The following CLSTN3 variants were observed in gnomAD, a reference collection of about 807,000 sequenced individuals.
CLSTN3 encodes calsyntenin 3, also known as calsyntenin-3.
CLSTN3 carries 36 observed loss-of-function variants against 95.9 expected under a neutral mutation model. The ratio of observed to expected loss-of-function variants is 0.38; its 90% CI spans 0.29 to 0.50. The LOEUF (loss-of-function observed/expected upper bound fraction) is 0.50, where lower values mean the gene tolerates loss of function less well. Ranked by LOEUF, CLSTN3 falls within the 20% of genes least tolerant of loss-of-function variation. CLSTN3 has a pLI of 0.95. For synonymous variants in CLSTN3, 481 were observed against 504.0 expected (o/e 0.95, Z 0.61); for missense variants, 1,084 against 1,268.8 (o/e 0.85, Z 2.21).
chr12:7,149,379 C>T lies in CLSTN3; in HGVS notation c.2075-144C>T. On this transcript the variant is annotated intron_variant, in intron 13 of 17. Transcript: ENST00000266546. This position sits in a 1 kb window ranked among gnomAD's most constrained non-coding sequence, Gnocchi z 4.5. ...ACACGTGGGTGGAAATGAATTGTTGCATAATGATATTCTTGAAAATGATGC... is the reference window on the plus strand; with the variant it reads ...ACACGTGGGTGGAAATGAATTGTTGTATAATGATATTCTTGAAAATGATGC... 1 of 906,086 alleles carries T rather than the reference C, an allele frequency of 1.1e-6. No individual in the cohort carries two copies. The highest frequency in any genetic ancestry group is 1.7e-6 in the Non-Finnish European group (1 of 590,600). The allele number at this position is 906,086 out of a possible 1,614,324, so 56.1% of individuals were successfully genotyped here.
chr12:7,129,889 C>A, upstream of CLSTN3: 3 of 836,174 alleles, frequency 3.6e-6, no homozygotes, highest in Non-Finnish European at 4.3e-6. This position sits in a 1 kb window ranked among gnomAD's most constrained non-coding sequence, Gnocchi z 5.5. Flanking sequence ...CTCGATACCG[C>A]CCTGCGGACC....
Position 7,158,100 on chromosome 12 carries a change from C to A in CLSTN3, c.*19C>A. On this transcript the variant is annotated 3_prime_UTR_variant, in exon 18 of 18. Transcript: ENST00000266546. ...CTACTAAGGCCTACACCTCTCCCCA[C>A]GCAGAGGGGGAATTCTGCCCTGGTG... The A allele has an allele frequency of 6.7e-7, 1 of 1,485,196 alleles. No homozygotes were observed. The highest frequency in any genetic ancestry group is 9.0e-7 in the Non-Finnish European group (1 of 1,108,962). The allele number at this position is 1,485,196 out of a possible 1,614,324, so 92.0% of individuals were successfully genotyped here.
rs769015353 is a variant in CLSTN3, at chr12:7,137,152, C to T, written c.1210+42C>T. 5 of 1,532,276 alleles carry T rather than the reference C, an allele frequency of 3.3e-6. No homozygotes were observed. The highest frequency in any genetic ancestry group is 3.5e-6 in the Non-Finnish European group (4 of 1,137,682). The allele number at this position is 1,532,276 out of a possible 1,614,324, so 94.9% of individuals were successfully genotyped here. A position where few individuals can be genotyped will look rare whatever the true frequency, so the allele number is the denominator to read the frequency against. On this transcript the variant is annotated intron_variant, in intron 7 of 17. Coordinates refer to ENST00000266546, the MANE Select transcript of CLSTN3 (RefSeq NM_014718.4). This position sits in a 1 kb window ranked among gnomAD's most constrained non-coding sequence, Gnocchi z 4.4. Reference sequence around the variant, plus strand: ...GGCACTAGCCAGAGGGGGAAACTGGCTTCTTGTCCCGCCTCTGTCACTGCC... The same window carrying T: ...GGCACTAGCCAGAGGGGGAAACTGGTTTCTTGTCCCGCCTCTGTCACTGCC...
rs1334697632 is a variant in CLSTN3 at position 7,143,285 on chromosome 12, G to A, written c.1821G>A (p.Arg607=). The A allele has an allele frequency of 6.2e-7, 1 of 1,610,804 alleles. No individual in the cohort carries two copies. The highest frequency in any genetic ancestry group is 1.1e-5 in the South Asian group (1 of 91,074). Residue 607 remains arginine (R), a synonymous_variant, in exon 12 of 18, where the codon AGG becomes AGA. Coordinates refer to ENST00000266546, the MANE Select transcript of CLSTN3 (RefSeq NM_014718.4). The stretch of plus-strand genomic sequence containing the variant: ...TGCGCTTTGCCACGCCCGGCGTCAG[G>A]CCCCTGCGCCTCACCACTGCTGTCA... ...NTLRFATPGV[R]PLRLTTAVKC...
chr12:7,156,721 C>T (rs575778979), intron 16 of CLSTN3: 146 of 456,698 alleles, frequency 3.2e-4, no homozygotes, highest in Non-Finnish European at 5.1e-4. Flanking sequence ...TGAGAGTGAA[C>T]GCACCGTTCT....
chr12:7,156,843 A>G, intron 16 of CLSTN3: 1 of 455,510 alleles, frequency 2.2e-6, no homozygotes, highest in Non-Finnish European at 4.4e-6. Context: ...CCTCAGGGGG[A>G]GATGTTGGGG....
intron 3 of CLSTN3, among the ~76,000 whole-genome samples, chr12:7,134,617 C>T (rs759127519): frequency 2.2e-4 from 34 of 152,360 alleles, no homozygotes; most frequent in Middle Eastern, 3.4e-3. Flanking sequence ...GCACTGCCCA[C>T]ACGTACTGTG....
chr12:7,135,724 G>C, intron 4 of CLSTN3, 80 bp from the exon 5 acceptor site: 1 of 1,508,300 alleles, frequency 6.6e-7, no homozygotes, highest in Non-Finnish European at 9.0e-7. Context: ...CCTGCTGCCC[G>C]ATGATCTCAG....
Position 7,141,928 on chromosome 12 carries a change from G to T in CLSTN3, c.1487-158G>T, listed in dbSNP as rs747146877. ...ACATGACAAAAGAAGGGTTGGGGCT[G>T]AGCTGAGAGGTTGCAAGTTATACAT... On this transcript the variant is annotated intron_variant, in intron 9 of 17. Transcript: ENST00000266546. This position sits in a 1 kb window ranked among gnomAD's most constrained non-coding sequence, Gnocchi z 4.1. 1.3e-5 allele frequency among the ~76,000 whole-genome samples: 2 copies of T among 152,300 alleles called. No homozygotes were observed. The highest frequency in any genetic ancestry group is 4.8e-5 in the African/African-American group (2 of 41,554).
chr12:7,133,242 T>G lies in CLSTN3; in HGVS notation c.187+96T>G. 1 of 1,495,312 alleles carries G rather than the reference T, an allele frequency of 6.7e-7. No individual in the cohort carries two copies. The highest frequency in any genetic ancestry group is 1.2e-5 in the South Asian group (1 of 81,042). The allele number at this position is 1,495,312 out of a possible 1,614,324, so 92.6% of individuals were successfully genotyped here. On this transcript the variant is annotated intron_variant, in intron 2 of 17. Coordinates refer to ENST00000266546, the MANE Select transcript of CLSTN3 (RefSeq NM_014718.4). This position sits in a 1 kb window ranked among gnomAD's most constrained non-coding sequence, Gnocchi z 4.7. ...GAGGGAGGGAAGGTCCTGGGAGTGA[T>G]GAGAAAGTAAGGGAAGATAAAAGTG... is the stretch of plus-strand genomic sequence containing the variant.
chr12:7,135,257 C>CTGTA, intron 3 of CLSTN3, 70 bp from the exon 4 acceptor site: 1 of 1,442,864 alleles, frequency 6.9e-7, no homozygotes, highest in Middle Eastern at 1.7e-4. Flanking sequence ...TGTATCAAGG[C>CTGTA]TGTATCTCAA....
intron 12 of CLSTN3, among the ~76,000 whole-genome samples, chr12:7,147,269 G>A (rs755649289): frequency 2.0e-4 from 30 of 151,468 alleles, no homozygotes; most frequent in Non-Finnish European, 4.3e-4. Context: ...GTGTGGTGGC[G>A]CACACCTGTG....
intron 8 of CLSTN3, among the ~76,000 whole-genome samples, chr12:7,138,464 G>A (rs1037488903): frequency 2.0e-5 from 3 of 152,122 alleles, no homozygotes; most frequent in African/African-American, 4.8e-5. Context: ...GTCCTGCCAA[G>A]GGAATTTGCT....
intron 8 of CLSTN3, among the ~76,000 whole-genome samples, chr12:7,139,025 T>A (rs1040090229): frequency 3.3e-5 from 5 of 152,166 alleles, no homozygotes; most frequent in Admixed American, 2.0e-4. Context: ...ACCCTTGCTA[T>A]CTTTCTTCAA....
Position 7,138,077 on chromosome 12 carries a change from G to C in CLSTN3, c.1323+10G>C. 1.2e-6 allele frequency: 2 copies of C among 1,606,038 alleles called. No homozygotes were observed. The highest frequency in any genetic ancestry group is 1.7e-6 in the Non-Finnish European group (2 of 1,172,808). Reference sequence around the variant, plus strand: ...CTGGAAGCTGGAGCAGGTGAGGCAAGAGCCAGGCTCCTGGGAGGGCTGAGT... The same window carrying C: ...CTGGAAGCTGGAGCAGGTGAGGCAACAGCCAGGCTCCTGGGAGGGCTGAGT... On this transcript the variant is annotated intron_variant, in intron 8 of 17. Coordinates refer to ENST00000266546, the MANE Select transcript of CLSTN3 (RefSeq NM_014718.4).
chr12:7,129,825 C>G (rs916476199), upstream of CLSTN3: 82 of 985,624 alleles, frequency 8.3e-5, no homozygotes, highest in Non-Finnish European at 2.3e-5. The surrounding 1 kb of genome is among the most constrained non-coding windows in gnomAD (Gnocchi z 5.5). Context: ...CCGGTCCCGA[C>G]AGGTGCGTGC....
chr12:7,130,756 C>T lies in CLSTN3; in HGVS notation c.64+44C>T, dbSNP rs1284144436. The T allele has an allele frequency of 7.3e-6, 11 of 1,497,482 alleles. No individual in the cohort carries two copies. In the African/African-American group the frequency reaches 1.3e-4, roughly 17 times the overall value. 92.8% of individuals were successfully genotyped at this position (1,497,482 alleles called of 1,614,324 possible). A position where few individuals can be genotyped will look rare whatever the true frequency, so the allele number is the denominator to read the frequency against. ...GGGGTACCGAAAGAGGGGCGTCGGGCAGCGCCGTGCGGGGTGGGGGTGGGA... is the reference window on the plus strand; with the variant it reads ...GGGGTACCGAAAGAGGGGCGTCGGGTAGCGCCGTGCGGGGTGGGGGTGGGA... On this transcript the variant is annotated intron_variant, in intron 1 of 17. Coordinates refer to ENST00000266546, the MANE Select transcript of CLSTN3 (RefSeq NM_014718.4).
rs1339731358 is a variant in CLSTN3, at chr12:7,157,059, G to A, written c.2528-430G>A. 2.8e-6 allele frequency: 1 copy of A among 357,928 alleles called. No individual in the cohort carries two copies. Among genetic ancestry groups the A allele is most frequent in the Non-Finnish European group, 5.5e-6 (1 of 182,526 alleles). The allele number at this position is 357,928 out of a possible 1,614,324, so 22.2% of individuals were successfully genotyped here. On this transcript the variant is annotated intron_variant, in intron 16 of 17. Coordinates refer to ENST00000266546, the MANE Select transcript of CLSTN3 (RefSeq NM_014718.4). The surrounding 1 kb of genome is among the most constrained non-coding windows in gnomAD (Gnocchi z 5.9). ...TCCTGCTCAGCCAAGCCCGTGTGGG[G>A]GCCCCTCCTCTCCCTCACTGGGCAC... is the stretch of plus-strand genomic sequence containing the variant.
At chr12:7,136,064 G>A (rs375041534) in intron 5 of CLSTN3, 111 bp downstream of exon 5, 2 of 1,494,574 alleles carry the variant, frequency 1.3e-6, no homozygotes, top group East Asian at 2.3e-5. Flanking sequence ...TGATATTGGG[G>A]CAGGCTTGCA....
Sources: allele counts gnomAD v4.1 joint callset (sites outside exome capture counted in the v4.1 genomes callset), GRCh38; gene constraint gnomAD v4.1.1; non-coding constraint Gnocchi (gnomAD v3.1); transcripts MANE v1.5; gene names NCBI Gene and HGNC (gene_info 2026-07-23, HGNC 2026-07-21).